CDH8: variants seen among roughly 807,000 people sequenced by gnomAD.
CDH8 encodes the protein cadherin-8.
CDH8 carries 17 observed loss-of-function variants against 68.1 expected under a neutral mutation model. The observed-to-expected ratio is 0.25, with a 90% CI of 0.17 to 0.37. The LOEUF is 0.37. Ranked by LOEUF, CDH8 falls within the 10% of genes least tolerant of loss-of-function variation. CDH8 has a pLI of 1.00. For missense variants in CDH8, 763 were observed against 999.3 expected, an observed-to-expected ratio of 0.76 and a Z score of 3.19; for synonymous variants, 372 against 365.1, an observed-to-expected ratio of 1.02 and a Z score of -0.21.
intron 2 of CDH8, among the ~76,000 whole-genome samples, chr16:61,991,390 T>A (rs1965718818): frequency 6.6e-6 from 1 of 152,162 alleles, no homozygotes; most frequent in Non-Finnish European, 1.5e-5. Context: ...ATGTAAGTGA[T>A]CGTAACCTTC....
intron 5 of CDH8, among the ~76,000 whole-genome samples, chr16:61,824,223 T>A (rs1034284412): frequency 1.5e-4 from 23 of 151,610 alleles, no homozygotes; most frequent in African/African-American, 4.8e-4. Flanking sequence ...ATCTTAAAAA[T>A]AATAATAATA....
intron 10 of CDH8, among the ~76,000 whole-genome samples, chr16:61,684,156 T>A (rs1964061784): frequency 6.6e-6 from 1 of 152,040 alleles, no homozygotes; most frequent in African/African-American, 2.4e-5. Context: ...ATCATATGTG[T>A]GATGGTTCTG....
intron 4 of CDH8, among the ~76,000 whole-genome samples, chr16:61,837,123 A>G (rs991470884): frequency 6.6e-6 from 1 of 151,760 alleles, no homozygotes; most frequent in African/African-American, 2.4e-5. Flanking sequence ...TTTATCTCTG[A>G]AAATAGAATT....
At chr16:62,015,545 AG>A (rs1267188277) in intron 2 of CDH8, among the ~76,000 whole-genome samples, 8 of 152,186 alleles carry the variant, frequency 5.3e-5, no homozygotes, top group African/African-American at 1.9e-4. Flanking sequence ...TAGAATTAAA[AG>A]AGAAAGAAGC....
intron 10 of CDH8, among the ~76,000 whole-genome samples, chr16:61,700,230 C>T (rs1394447923): frequency 6.6e-6 from 1 of 151,566 alleles, no homozygotes; most frequent in Non-Finnish European, 1.5e-5. Context: ...TTTGGATATA[C>T]ACCCAGTAGC....
intron 10 of CDH8, among the ~76,000 whole-genome samples, chr16:61,699,809 T>A (rs1311874685): frequency 6.6e-6 from 1 of 152,124 alleles, no homozygotes; most frequent in Non-Finnish European, 1.5e-5. Context: ...CTCCTGACCA[T>A]AGGTGATCTG....
intron 2 of CDH8, among the ~76,000 whole-genome samples, chr16:61,920,372 T>C (rs1433578577): frequency 8.2e-5 from 12 of 145,990 alleles, no homozygotes; most frequent in African/African-American, 3.1e-4. Context: ...AGGGCTAATA[T>C]CCGGAATCTA....
chr16:61,659,201 A>G (rs1007782426), intron 10 of CDH8, among the ~76,000 whole-genome samples: 2 of 152,220 alleles, frequency 1.3e-5, no homozygotes, highest in African/African-American at 2.4e-5. Flanking sequence ...TAAATGGAAA[A>G]ACATTTAAAG....
chr16:61,799,909 C>A (rs1028488320), intron 7 of CDH8, among the ~76,000 whole-genome samples: 7 of 151,888 alleles, frequency 4.6e-5, no homozygotes, highest in African/African-American at 9.7e-5. Flanking sequence ...ACTCTTTTCC[C>A]CCCCCCAAAG....
At chr16:61,781,278 C>A (rs1363982801) in intron 8 of CDH8, among the ~76,000 whole-genome samples, 1 of 152,124 alleles carries the variant, frequency 6.6e-6, no homozygotes, top group African/African-American at 2.4e-5. Context: ...ACTCATAAAC[C>A]TTGATGGATA....
intron 7 of CDH8, among the ~76,000 whole-genome samples, chr16:61,810,475 G>GGAGAGA (rs143810797): frequency 6.7e-6 from 1 of 149,960 alleles, no homozygotes; most frequent in South Asian, 2.1e-4. Flanking sequence ...TAGTCAGAGA[G>GGAGAGA]GAGAGAGAGA....
rs1597114602 is a variant in CDH8 at position 61,994,148 on chromosome 16, T to C, written c.252+27004A>G. Among the ~76,000 whole-genome samples, 3 of 152,180 alleles carry C rather than the reference T, an allele frequency of 2.0e-5. No individual in the cohort carries two copies. The East Asian group carries it at 5.8e-4, about 29-fold the overall frequency. On this transcript the variant is annotated intron_variant, in intron 2 of 11. Transcript: ENST00000577390. ...TACATGTTCTACTGCTGCTGAACTG[T>C]TTGCCATTTTTAAATTGCATTCTTG...
chr16:61,777,408 T>G (rs778806048), intron 8 of CDH8, among the ~76,000 whole-genome samples: 3 of 152,054 alleles, frequency 2.0e-5, no homozygotes, highest in Non-Finnish European at 4.4e-5. Flanking sequence ...ACAGTAAGAG[T>G]TATTGTTACA....
intron 3 of CDH8, among the ~76,000 whole-genome samples, chr16:61,865,852 C>T (rs982932726): frequency 1.3e-5 from 2 of 152,282 alleles, no homozygotes; most frequent in South Asian, 2.1e-4. Flanking sequence ...TGGCAGCTAT[C>T]GATATCCATA....
chr16:61,979,117 G>A (rs1022331235), intron 2 of CDH8, among the ~76,000 whole-genome samples: 3 of 151,054 alleles, frequency 2.0e-5, no homozygotes, highest in African/African-American at 4.9e-5. Context: ...CAGAAACAAC[G>A]GGCCAGAAGT....
intron 4 of CDH8, among the ~76,000 whole-genome samples, chr16:61,834,950 A>AT (rs973931166): frequency 2.0e-5 from 3 of 151,656 alleles, no homozygotes; most frequent in South Asian, 2.1e-4. Flanking sequence ...TAATTATAAA[A>AT]TTTTTTTTTA....
chr16:62,004,346 C>A (rs1344131616), intron 2 of CDH8, among the ~76,000 whole-genome samples: 1 of 152,104 alleles, frequency 6.6e-6, no homozygotes, highest in Non-Finnish European at 1.5e-5. Context: ...GGAATTGAAG[C>A]CTCGCTTTGT....
intron 10 of CDH8, among the ~76,000 whole-genome samples, chr16:61,689,368 T>C (rs142067691): frequency 2.1e-3 from 322 of 152,084 alleles, no homozygotes; most frequent in African/African-American, 7.4e-3. Context: ...TGAGATAAGA[T>C]GCTTAAAGTA....
chr16:61,656,557 G>A (rs1020792267), intron 10 of CDH8, among the ~76,000 whole-genome samples: 1 of 152,124 alleles, frequency 6.6e-6, no homozygotes, highest in African/African-American at 2.4e-5. Flanking sequence ...TTCACATTAA[G>A]ATACAGCAAA....
Sources: gnomAD v4.1 joint callset for allele counts (sites outside exome capture counted in the v4.1 genomes callset) on GRCh38, gnomAD v4.1.1 for gene constraint, MANE v1.5 for transcripts, NCBI Gene and HGNC (gene_info 2026-07-23, HGNC 2026-07-21) for gene names.